Variants in STIM1 observed in about 807,000 individuals in gnomAD.
The protein encoded by STIM1 is stromal interaction molecule 1.
A neutral mutation model predicts 74.7 loss-of-function variants in STIM1; 25 were observed. The observed-to-expected ratio is 0.33, with a 90% CI of 0.24 to 0.47. The LOEUF is 0.47. Among genes scored for constraint, STIM1 ranks in the 20% least tolerant of loss-of-function variants. The pLI, the probability that STIM1 is intolerant of heterozygous loss-of-function variation, is 1.00. For missense variants in STIM1, 728 were observed against 920.8 expected, an observed-to-expected ratio of 0.79 and a Z score of 2.71; for synonymous variants, 328 against 348.8, an observed-to-expected ratio of 0.94 and a Z score of 0.66.
At chr11:4,030,988 A>G (rs1034997117) in intron 3 of STIM1, among the ~76,000 whole-genome samples, 8 of 152,224 alleles carry the variant, frequency 5.3e-5, no homozygotes, top group Admixed American at 5.2e-4. Flanking sequence ...ACAATTGTGA[A>G]ACCATCACTG....
intron 2 of STIM1, among the ~76,000 whole-genome samples, chr11:3,974,773 T>G (rs1396948939): frequency 6.6e-6 from 1 of 151,988 alleles, no homozygotes; most frequent in Non-Finnish European, 1.5e-5. Flanking sequence ...AGTATGAGAA[T>G]TCATGACCTG....
At chr11:4,045,606 C>T (rs2094185135) in intron 3 of STIM1, among the ~76,000 whole-genome samples, 1 of 151,616 alleles carries the variant, frequency 6.6e-6, no homozygotes, top group Non-Finnish European at 1.5e-5. Flanking sequence ...TGTACTACCA[C>T]ACCTGGCTAA....
intron 2 of STIM1, among the ~76,000 whole-genome samples, chr11:3,996,642 T>C (rs2093665861): frequency 1.3e-5 from 2 of 152,202 alleles, no homozygotes; most frequent in South Asian, 4.1e-4. Context: ...GGAGAACAGG[T>C]CTTGGTTTAA....
intron 5 of STIM1, among the ~76,000 whole-genome samples, chr11:4,059,949 A>G (rs2094319231): frequency 6.6e-6 from 1 of 152,242 alleles, no homozygotes; most frequent in Non-Finnish European, 1.5e-5. Flanking sequence ...TTTCATTTCA[A>G]TAGCATATCA....
intron 1 of STIM1, among the ~76,000 whole-genome samples, chr11:3,902,459 A>T (rs2092373681): frequency 6.6e-6 from 1 of 152,156 alleles, no homozygotes; most frequent in South Asian, 2.1e-4. Flanking sequence ...TGATTTTGGG[A>T]TGAAACTGTT....
chr11:3,874,938 T>TG (rs1471487719), intron 1 of STIM1, among the ~76,000 whole-genome samples: 1 of 152,196 alleles, frequency 6.6e-6, no homozygotes, highest in Non-Finnish European at 1.5e-5. Flanking sequence ...CCTGGACATC[T>TG]GGCTTTAGAG....
intron 1 of STIM1, among the ~76,000 whole-genome samples, chr11:3,865,713 A>G: frequency 6.6e-6 from 1 of 152,180 alleles, no homozygotes; most frequent in East Asian, 1.9e-4. Context: ...TGTATGTCTC[A>G]CCACTGAGCT....
chr11:3,998,514 C>T (rs934477700), intron 2 of STIM1, among the ~76,000 whole-genome samples: 1 of 152,136 alleles, frequency 6.6e-6, no homozygotes, highest in Admixed American at 6.5e-5. Flanking sequence ...TATTTAATAA[C>T]CACACACTCT....
rs59674734 is a variant in STIM1, at chr11:3,944,665, G to A, written c.140-22887G>A. On this transcript the variant is annotated intron_variant, in intron 1 of 12. Coordinates refer to ENST00000526596, the MANE Select transcript of STIM1 (RefSeq NM_001382567.1). ...GTGCCACCTAGGACAAATCACTGCC[G>A]CCATGTGGGCCTCATTTGTCAAGTG... is the stretch of plus-strand genomic sequence containing the variant. 3.5e-4 allele frequency among the ~76,000 whole-genome samples: 53 copies of A among 152,264 alleles called. No homozygotes were observed. In the East Asian group the frequency reaches 7.5e-3, roughly 22 times the overall value.
intron 1 of STIM1, among the ~76,000 whole-genome samples, chr11:3,965,932 A>T (rs186550937): frequency 3.1e-4 from 47 of 152,332 alleles, no homozygotes; most frequent in Admixed American, 5.2e-4. Flanking sequence ...GCTTGAGCCC[A>T]GGGAACGAAG....
At chr11:3,938,596 C>T (rs1480473406) in intron 1 of STIM1, among the ~76,000 whole-genome samples, 2 of 152,092 alleles carry the variant, frequency 1.3e-5, no homozygotes, top group African/African-American at 4.8e-5. Flanking sequence ...CCTGTAATCC[C>T]AGCACTTTGG....
At chr11:4,036,476 T>C (rs1425621362) in intron 3 of STIM1, among the ~76,000 whole-genome samples, 1 of 152,224 alleles carries the variant, frequency 6.6e-6, no homozygotes, top group Non-Finnish European at 1.5e-5. Context: ...CCACCAACAG[T>C]GTAAAAGTGT....
intron 1 of STIM1, among the ~76,000 whole-genome samples, chr11:3,891,338 G>A (rs573822423): frequency 1.3e-5 from 2 of 151,178 alleles, no homozygotes; most frequent in East Asian, 3.9e-4. Context: ...TGCCCAGGCT[G>A]GAGTGCAGTG....
chr11:3,865,596 T>C (rs1266595307), intron 1 of STIM1, among the ~76,000 whole-genome samples: 2 of 152,188 alleles, frequency 1.3e-5, no homozygotes, highest in Non-Finnish European at 2.9e-5. Context: ...GCCTAATATA[T>C]GCACCCTATA....
chr11:3,865,627 G>A (rs2090825631), intron 1 of STIM1, among the ~76,000 whole-genome samples: 1 of 152,170 alleles, frequency 6.6e-6, no homozygotes, highest in African/African-American at 2.4e-5. Flanking sequence ...GACAATATCT[G>A]TTCAGAGCAA....
intron 1 of STIM1, among the ~76,000 whole-genome samples, chr11:3,918,527 C>T (rs1018955545): frequency 2.5e-5 from 2 of 80,642 alleles, no homozygotes; most frequent in African/African-American, 5.7e-5. Flanking sequence ...CAGTCAGACA[C>T]TGTCTCAAAA....
At chr11:3,865,444 T>A (rs2090816588) in intron 1 of STIM1, among the ~76,000 whole-genome samples, 1 of 152,212 alleles carries the variant, frequency 6.6e-6, no homozygotes, top group Admixed American at 6.5e-5. Context: ...CAATATTATA[T>A]TATGTTCACC....
intron 3 of STIM1, among the ~76,000 whole-genome samples, chr11:4,027,565 C>T (rs945878686): frequency 4.6e-5 from 7 of 152,136 alleles, no homozygotes; most frequent in African/African-American, 7.2e-5. Flanking sequence ...CTGCCCACCT[C>T]GGCCTCCCAA....
At chr11:4,077,284 G>A (rs1310870402) in intron 7 of STIM1, among the ~76,000 whole-genome samples, 2 of 151,742 alleles carry the variant, frequency 1.3e-5, no homozygotes, top group Non-Finnish European at 2.9e-5. Context: ...AGGTCAAGAA[G>A]TATTACTGGA....
Sources: gnomAD v4.1 joint callset for allele counts (sites outside exome capture counted in the v4.1 genomes callset) on GRCh38, gnomAD v4.1.1 for gene constraint, MANE v1.5 for transcripts, NCBI Gene and HGNC (gene_info 2026-07-23, HGNC 2026-07-21) for gene names.